The following LEPR variants were observed in gnomAD, a reference collection of about 807,000 sequenced individuals.
LEPR encodes OB receptor.
A neutral mutation model predicts 114.7 loss-of-function variants in LEPR; 56 were observed. The observed-to-expected ratio is 0.49, with a 90% confidence interval of 0.39 to 0.61. The LOEUF is 0.61. Ranked by LOEUF, LEPR falls within the 20% of genes least tolerant of loss-of-function variation. The pLI is 0.00. For synonymous variants in LEPR, 443 were observed against 461.4 expected (o/e 0.96, Z 0.51); for missense variants, 1,202 against 1,352.9 (o/e 0.89, Z 1.75).
intron 2 of LEPR, among the ~76,000 whole-genome samples, chr1:65,507,409 GT>G (rs753684675): frequency 1.3e-5 from 2 of 149,882 alleles, no homozygotes; most frequent in South Asian, 2.1e-4. Flanking sequence ...AAATGACAGA[GT>G]TTTTTAAAAT....
chr1:65,505,193 A>G (rs544710442), intron 2 of LEPR, among the ~76,000 whole-genome samples: 2 of 152,300 alleles, frequency 1.3e-5, no homozygotes, highest in South Asian at 4.1e-4. Context: ...GATAAAAATA[A>G]AGTACTGGAA....
intron 2 of LEPR, among the ~76,000 whole-genome samples, chr1:65,455,951 C>A (rs1479732934): frequency 1.3e-5 from 2 of 152,182 alleles, no homozygotes; most frequent in African/African-American, 2.4e-5. Flanking sequence ...GGGCATAGGA[C>A]CCTCCGAGCC....
intron 2 of LEPR, among the ~76,000 whole-genome samples, chr1:65,512,989 A>T (rs550949769): frequency 1.3e-5 from 2 of 152,176 alleles, no homozygotes; most frequent in Non-Finnish European, 2.9e-5. Context: ...AACTGCATAT[A>T]TTCACCATCT....
Position 65,622,970 on chromosome 1 carries a change from A to C in LEPR, c.2662A>C (p.Asn888His). ...PKNCSWAQGL[N>H]FQKPETFEHL... is the part of the protein sequence containing the mutation. Reference sequence around the variant, plus strand: ...GAATTGTTCCTGGGCACAAGGACTTAATTTTCAGAAGGTTGCTTTTTCAAT... The same window carrying C: ...GAATTGTTCCTGGGCACAAGGACTTCATTTTCAGAAGGTTGCTTTTTCAAT... Residue 888 changes from asparagine (N) to histidine (H), a missense_variant, in exon 19 of 20, where the codon AAT becomes CAT. Transcript: ENST00000349533. The C allele has an allele frequency of 6.2e-7, 1 of 1,613,950 alleles. No homozygotes were observed.
chr1:65,454,655 G>C (rs1311476352), intron 2 of LEPR, among the ~76,000 whole-genome samples: 4 of 152,212 alleles, frequency 2.6e-5, no homozygotes, highest in Admixed American at 2.0e-4. Flanking sequence ...GAGATCCACT[G>C]TTAGTCTGAT....
At position 65,538,169 on chromosome 1, in the gene LEPR, CT is replaced by C. The variant is rs796342109; in HGVS notation, c.-20-27367del. Reference sequence around the variant, plus strand: ...TTATTTTTTTGAATGCATTTTCTTCCTTTTTTTTTTGAAGTCCACTGACTCA... The same window carrying C: ...TTATTTTTTTGAATGCATTTTCTTCCTTTTTTTTTGAAGTCCACTGACTCA... On this transcript the variant is annotated intron_variant, in intron 2 of 19. Coordinates refer to ENST00000349533, the MANE Select transcript of LEPR (RefSeq NM_002303.6). 7.9e-4 allele frequency among the ~76,000 whole-genome samples: 119 copies of C among 149,946 alleles called. 1 individual carries two copies. Among genetic ancestry groups the C allele is most frequent in the African/African-American group, 2.6e-3 (107 of 41,066 alleles).
At chr1:65,464,180 T>C (rs1300158765) in intron 2 of LEPR, among the ~76,000 whole-genome samples, 1 of 152,220 alleles carries the variant, frequency 6.6e-6, no homozygotes, top group Non-Finnish European at 1.5e-5. Flanking sequence ...ATGGCTCTTA[T>C]TATTTTTAGA....
chr1:65,545,448 C>T (rs1389903621), intron 2 of LEPR, among the ~76,000 whole-genome samples: 1 of 151,252 alleles, frequency 6.6e-6, no homozygotes, highest in African/African-American at 2.4e-5. Flanking sequence ...TCCTATTTCT[C>T]CACATCCTCT....
chr1:65,545,554 C>G (rs1394589993), intron 2 of LEPR, among the ~76,000 whole-genome samples: 1 of 152,018 alleles, frequency 6.6e-6, no homozygotes, highest in Non-Finnish European at 1.5e-5. Flanking sequence ...TCTCTGATGG[C>G]CAGTGATGGT....
At chr1:65,494,756 T>A (rs567241935) in intron 2 of LEPR, among the ~76,000 whole-genome samples, 71 of 152,238 alleles carry the variant, frequency 4.7e-4, no homozygotes, top group Non-Finnish European at 8.4e-4. Context: ...ATTCCCTTAT[T>A]GCTAATCTTT....
chr1:65,614,724 T>C (rs1349368315), intron 14 of LEPR, among the ~76,000 whole-genome samples: 1 of 152,224 alleles, frequency 6.6e-6, no homozygotes, highest in Admixed American at 6.5e-5. Context: ...TATGAACTTA[T>C]ATCTAGCTTA....
intron 2 of LEPR, among the ~76,000 whole-genome samples, chr1:65,475,902 G>C (rs1647153296): frequency 6.6e-6 from 1 of 151,696 alleles, no homozygotes; most frequent in Non-Finnish European, 1.5e-5. Context: ...TGTAATCCCT[G>C]CTGCTCGGGA....
intron 2 of LEPR, among the ~76,000 whole-genome samples, chr1:65,485,710 G>A (rs1482223102): frequency 6.6e-6 from 1 of 152,068 alleles, no homozygotes; most frequent in African/African-American, 2.4e-5. Flanking sequence ...AGTCACAATA[G>A]ATCCTATAGT....
Position 65,465,853 on chromosome 1 carries a change from C to CT in LEPR, c.-21+40483dup, listed in dbSNP as rs547777123. ...TCGGAGACTAGGATTGCAATCCCTG[C>CT]TTTTTTTTGCTTTCCATTTGCTTGG... On this transcript the variant is annotated intron_variant, in intron 2 of 19. Coordinates refer to ENST00000349533, the MANE Select transcript of LEPR (RefSeq NM_002303.6). 1.8e-3 allele frequency among the ~76,000 whole-genome samples: 270 copies of CT among 151,928 alleles called. 4 individuals are homozygous for CT. The South Asian group carries it at 0.022, about 13-fold the overall frequency.
chr1:65,596,679 T>A, intron 7 of LEPR, 86 bp downstream of exon 7: 1 of 1,166,384 alleles, frequency 8.6e-7, no homozygotes, highest in Non-Finnish European at 1.2e-6. Flanking sequence ...CTCTGCATAC[T>A]AAATATATAC....
At chr1:65,480,958 A>G (rs889331240) in intron 2 of LEPR, among the ~76,000 whole-genome samples, 1 of 152,240 alleles carries the variant, frequency 6.6e-6, no homozygotes, top group Non-Finnish European at 1.5e-5. Flanking sequence ...TAGAGCTCTT[A>G]TAACAAAATA....
At chr1:65,571,966 C>A (rs1199950426) in intron 4 of LEPR, among the ~76,000 whole-genome samples, 3 of 39,018 alleles carry the variant, frequency 7.7e-5, no homozygotes, top group East Asian at 1.7e-3. Context: ...AGTGACACCC[C>A]ATCTCAAAAA....
At chr1:65,593,002 G>A (rs1655813200) in intron 6 of LEPR, 137 bp downstream of exon 6, 3 of 914,160 alleles carry the variant, frequency 3.3e-6, no homozygotes, top group Non-Finnish European at 5.0e-6. Flanking sequence ...AGTACTGGGG[G>A]TATTAAGAGT....
At chr1:65,588,769 G>A (rs773781880) in intron 5 of LEPR, among the ~76,000 whole-genome samples, 13 of 152,076 alleles carry the variant, frequency 8.5e-5, no homozygotes, top group Admixed American at 2.6e-4. Context: ...TATTTCATTC[G>A]TTTTGATTGC....
Sources: gnomAD v4.1 joint callset for allele counts (sites outside exome capture counted in the v4.1 genomes callset) on GRCh38, gnomAD v4.1.1 for gene constraint, MANE v1.5 for transcripts, NCBI Gene and HGNC (gene_info 2026-07-23, HGNC 2026-07-21) for gene names.